PLA2G4D: variants seen among roughly 807,000 people sequenced by gnomAD.
PLA2G4D encodes the protein cytosolic phospholipase A2 delta.
Under a neutral mutation model 94.4 loss-of-function variants are expected in PLA2G4D, and 80 were observed. The ratio of observed to expected loss-of-function variants is 0.85; its 90% CI spans 0.71 to 1.02. The LOEUF (loss-of-function observed/expected upper bound fraction) is 1.02, where lower values mean the gene tolerates loss of function less well. Among genes scored for constraint, PLA2G4D ranks in the 50% least tolerant of loss-of-function variants. The probability of loss-of-function intolerance (pLI) is 0.00; values close to 1 mark genes in which losing one functional copy is unlikely to be tolerated. For missense variants in PLA2G4D, 1,050 were observed against 1,034.7 expected (o/e 1.01, Z -0.20); for synonymous variants, 438 against 440.9 (o/e 0.99, Z 0.08).
At chr15:42,082,113 G>C (rs897988877) in intron 9 of PLA2G4D, among the ~76,000 whole-genome samples, 166 bp downstream of exon 9, 3 of 152,006 alleles carry the variant, frequency 2.0e-5, no homozygotes, top group Non-Finnish European at 4.4e-5. Flanking sequence ...TGCATTTTTA[G>C]TAGAGATGGG....
intron 13 of PLA2G4D, among the ~76,000 whole-genome samples, chr15:42,073,951 T>A (rs1280128237): frequency 2.6e-5 from 4 of 152,158 alleles, no homozygotes; most frequent in African/African-American, 7.2e-5. Flanking sequence ...GTCCCCAGTA[T>A]GAATTACAGG....
intron 12 of PLA2G4D, 38 bp from the exon 13 acceptor site, chr15:42,079,797 G>A: frequency 6.4e-7 from 1 of 1,573,552 alleles, no homozygotes; most frequent in Non-Finnish European, 8.6e-7. Context: ...GGAGCCCGAG[G>A]CCCAGCATGG....
intron 18 of PLA2G4D, 62 bp downstream of exon 18, chr15:42,070,655 C>A: frequency 1.3e-6 from 2 of 1,504,386 alleles, no homozygotes; most frequent in Admixed American, 2.1e-5. Flanking sequence ...AGTGGCCCTG[C>A]TGCTCGCCTC....
At chr15:42,085,937 G>C (rs1430415717) in intron 4 of PLA2G4D, among the ~76,000 whole-genome samples, 4 of 152,250 alleles carry the variant, frequency 2.6e-5, no homozygotes, top group African/African-American at 9.6e-5. Flanking sequence ...GCAGGCCTTG[G>C]CACCACCAGC....
intron 5 of PLA2G4D, 109 bp from the exon 6 acceptor site, chr15:42,085,247 C>T (rs549298819): frequency 6.8e-6 from 9 of 1,321,928 alleles, no homozygotes; most frequent in Non-Finnish European, 9.8e-6. Context: ...GTCCTGGATT[C>T]GGTTCAGGGA....
chr15:42,070,904 G>C, intron 17 of PLA2G4D, 21 bp from the exon 18 acceptor site: 1 of 1,605,056 alleles, frequency 6.2e-7, no homozygotes, highest in Non-Finnish European at 8.5e-7. Flanking sequence ...TCGCAGGATG[G>C]TCAGAGGCCA....
intron 14 of PLA2G4D, 122 bp from the exon 15 acceptor site, chr15:42,072,033 T>C: frequency 7.6e-7 from 1 of 1,316,964 alleles, no homozygotes; most frequent in South Asian, 1.4e-5. Flanking sequence ...CTGGCACCAA[T>C]GCAGCAGATG....
At position 42,068,667 on chromosome 15, in the gene PLA2G4D, C is replaced by G; in HGVS notation, c.*48G>C. On this transcript the variant is annotated 3_prime_UTR_variant, in exon 20 of 20. Coordinates refer to ENST00000290472, the MANE Select transcript of PLA2G4D (RefSeq NM_178034.4). ...CCTGTGGCTGAGCCCAGCTACAGAT[C>G]AGGTTATGCCCGCAGGCCCTGGAGG... The G allele has an allele frequency of 6.6e-7, 1 of 1,526,336 alleles. No individual in the cohort carries two copies. Among genetic ancestry groups the G allele is most frequent in the Non-Finnish European group, 8.9e-7 (1 of 1,125,482 alleles). 94.5% of individuals were successfully genotyped at this position (1,526,336 alleles called of 1,614,324 possible). A position where few individuals can be genotyped will look rare whatever the true frequency, so the allele number is the denominator to read the frequency against.
chr15:42,069,009 A>C (rs1406411760), intron 19 of PLA2G4D, 68 bp from the exon 20 acceptor site: 14 of 1,418,538 alleles, frequency 9.9e-6, no homozygotes. Context: ...AGCGGCGCAC[A>C]GGGAGGGCTG....
At chr15:42,093,380 C>T (rs1421765293) in intron 1 of PLA2G4D, among the ~76,000 whole-genome samples, 3 of 152,176 alleles carry the variant, frequency 2.0e-5, no homozygotes, top group South Asian at 2.1e-4. Flanking sequence ...GCACAGCCTT[C>T]GCCAGGGAGA....
Position 42,072,333 on chromosome 15 carries a change from C to T in PLA2G4D, c.1377G>A (p.Leu459=). 6.2e-7 allele frequency: 1 copy of T among 1,613,808 alleles called. No individual in the cohort carries two copies. The highest frequency in any genetic ancestry group is 8.5e-7 in the Non-Finnish European group (1 of 1,179,990). ...RAALERGQNP[L]PLYLSLNVKE... is the part of the protein sequence containing the mutation. ...TGACATTGAGGCTCAAGTAGAGGGG[C>T]AGAGGGTTCTGACCCCGTTCCAGGG... is the stretch of plus-strand genomic sequence containing the variant. The change falls in exon 14 of 20, where the codon CTG becomes CTA. Residue 459 remains leucine (L), a synonymous_variant. Transcript: ENST00000290472.
At position 42,079,604 on chromosome 15, in the gene PLA2G4D, T is replaced by G. The variant is rs1422443429; in HGVS notation, c.1250A>C (p.Glu417Ala). 6.2e-7 allele frequency: 1 copy of G among 1,611,020 alleles called. No homozygotes were observed. The highest frequency in any genetic ancestry group is 1.7e-5 in the Admixed American group (1 of 59,220). Residue 417 changes from glutamate to alanine, a missense_variant, in exon 13 of 20, where the codon GAG becomes GCG. Glu to Ala is a moderately radical substitution (Grantham distance 107, BLOSUM62 -1). Transcript: ENST00000290472. ...SYRRELELRAEQGHPTTFVDL... is the reference protein window; with the variant it reads ...SYRRELELRAAQGHPTTFVDL... ...CACAAAGGTCGTGGGGTGGCCCTGC[T>G]CAGCCCGCAGCTCCAGCTCCCGGCG...
In PLA2G4D at chr15:42,085,510, C is replaced by G; in HGVS notation, c.409G>C (p.Glu137Gln). ...ACTCACGTTTCTTCCATCAGGAACT[C>G]CACATCCAGCTCCTCCTCTCCCTGA... Reference protein sequence around the residue: ...SPQGEEELDVEFLMEETSDRP... With the variant: ...SPQGEEELDVQFLMEETSDRP... Residue 137 changes from glutamate (E) to glutamine (Q), a missense_variant, in exon 5 of 20, where the codon GAG (glutamate) becomes CAG (glutamine). Transcript: ENST00000290472. The G allele has an allele frequency of 6.2e-7, 1 of 1,614,146 alleles. No individual in the cohort carries two copies. The highest frequency in any genetic ancestry group is 1.3e-5 in the African/African-American group (1 of 75,044).
intron 9 of PLA2G4D, 90 bp from the exon 10 acceptor site, chr15:42,081,924 A>ATT: frequency 3.0e-6 from 3 of 1,008,882 alleles, no homozygotes; most frequent in Non-Finnish European, 4.2e-6. Context: ...CTTCATCTTC[A>ATT]TTCTTTTTTT....
Position 42,083,320 on chromosome 15 carries a change from C to G in PLA2G4D, c.550G>C (p.Glu184Gln). The G allele has an allele frequency of 6.2e-7, 1 of 1,613,656 alleles. No individual in the cohort carries two copies. The highest frequency in any genetic ancestry group is 8.5e-7 in the Non-Finnish European group (1 of 1,179,812). Residue 184 changes from glutamate (E) to glutamine (Q), a missense_variant, in exon 8 of 20, where the codon GAG becomes CAG. By Grantham distance (29) the Glu-to-Gln change is conservative. Coordinates refer to ENST00000290472, the MANE Select transcript of PLA2G4D (RefSeq NM_178034.4). ...TAVVADQDKL[E>Q]LELVLKGSYE... is the part of the protein sequence containing the mutation. ...GACCCCTTCAGCACCAGCTCCAGCTCCAGCTTGTCCTGATCTAGGGAGAGA... is the reference window on the plus strand; with the variant it reads ...GACCCCTTCAGCACCAGCTCCAGCTGCAGCTTGTCCTGATCTAGGGAGAGA...
rs1332089388 is a variant in PLA2G4D, at chr15:42,067,796, AAG to A, written c.*917_*918del. 6.6e-6 allele frequency: 1 copy of A among 152,188 alleles called. No individual in the cohort carries two copies. Among genetic ancestry groups the A allele is most frequent in the Non-Finnish European group, 1.5e-5 (1 of 68,028 alleles). The allele number at this position is 152,188 out of a possible 1,614,324, so 9.4% of individuals were successfully genotyped here. ...AAAACACTCAATAAACTAGAAATAA[AAG>A]AGAACTTTCTCAACCTGATAAGGAT... On this transcript the variant is annotated 3_prime_UTR_variant, in exon 20 of 20. Transcript: ENST00000290472.
Position 42,070,654 on chromosome 15 carries a change from G to A in PLA2G4D, c.2043+63C>T, listed in dbSNP as rs1889786662. The A allele has an allele frequency of 9.3e-6, 14 of 1,501,978 alleles. No individual in the cohort carries two copies. In the East Asian group the frequency reaches 3.2e-4, roughly 35 times the overall value. The allele number at this position is 1,501,978 out of a possible 1,614,324, so 93.0% of individuals were successfully genotyped here. A position where few individuals can be genotyped will look rare whatever the true frequency, so the allele number is the denominator to read the frequency against. ...TGTGGGGCAGGGGCTCAGTGGCCCT[G>A]CTGCTCGCCTCTGGAGCTTGGCCTG... On this transcript the variant is annotated intron_variant, in intron 18 of 19. Coordinates refer to ENST00000290472, the MANE Select transcript of PLA2G4D (RefSeq NM_178034.4).
chr15:42,071,020 C>T, intron 17 of PLA2G4D, 103 bp downstream of exon 17: 1 of 1,538,962 alleles, frequency 6.5e-7, no homozygotes, highest in Non-Finnish European at 8.8e-7. Flanking sequence ...CTCCAGGCCA[C>T]ACCCCAGAAG....
intron 19 of PLA2G4D, 85 bp from the exon 20 acceptor site, chr15:42,069,026 C>T: frequency 1.6e-6 from 2 of 1,230,716 alleles, no homozygotes; most frequent in Non-Finnish European, 2.3e-6. Context: ...GCTGCCCCCG[C>T]TGGAGGGGCC....
Sources: gnomAD v4.1 joint callset for allele counts (sites outside exome capture counted in the v4.1 genomes callset) on GRCh38, gnomAD v4.1.1 for gene constraint, MANE v1.5 for transcripts, NCBI Gene and HGNC (gene_info 2026-07-23, HGNC 2026-07-21) for gene names.